RPS6KC1: variants seen among roughly 807,000 people sequenced by gnomAD.
RPS6KC1 encodes ribosomal protein S6 kinase C1.
Under a neutral mutation model 103.8 loss-of-function variants are expected in RPS6KC1, and 54 were observed. That is an observed-to-expected ratio of 0.52 (90% CI 0.42 to 0.65). RPS6KC1 has a LOEUF of 0.65. RPS6KC1 is among the 30% of genes least tolerant of loss of function. The probability of loss-of-function intolerance (pLI) is 0.00; values close to 1 mark genes in which losing one functional copy is unlikely to be tolerated. For synonymous variants in RPS6KC1, 439 were observed against 438.7 expected (o/e 1.00, Z -0.01); for missense variants, 1,151 against 1,253.8 (o/e 0.92, Z 1.24).
At chr1:213,765,600 G>T in the RPS6KC1 span, among the ~76,000 whole-genome samples, 2 of 152,142 alleles carry the variant, frequency 1.3e-5, no homozygotes, top group Non-Finnish European at 2.9e-5. Flanking sequence ...CATAATATTT[G>T]TTGAACCGCA....
At chr1:213,504,090 G>T in the RPS6KC1 span, among the ~76,000 whole-genome samples, 1 of 151,992 alleles carries the variant, frequency 6.6e-6, no homozygotes, top group East Asian at 1.9e-4. Context: ...ATATAGAACG[G>T]TTTTCACATA....
At chr1:213,684,125 T>C in the RPS6KC1 span, among the ~76,000 whole-genome samples, 1 of 152,200 alleles carries the variant, frequency 6.6e-6, no homozygotes, top group South Asian at 2.1e-4. Flanking sequence ...TACTTATTCC[T>C]GTTTCATGTC....
chr1:213,805,606 C>T, the RPS6KC1 span, among the ~76,000 whole-genome samples: 34 of 152,370 alleles, frequency 2.2e-4, no homozygotes, highest in African/African-American at 7.7e-4. Flanking sequence ...ACTACATCTG[C>T]AGTTACTTCC....
At chr1:213,354,301 G>A in the RPS6KC1 span, among the ~76,000 whole-genome samples, 5 of 152,340 alleles carry the variant, frequency 3.3e-5, no homozygotes, top group Non-Finnish European at 7.3e-5. Flanking sequence ...AGTTGTCTGA[G>A]TGCTCATAGG....
the RPS6KC1 span, among the ~76,000 whole-genome samples, chr1:213,792,750 T>C: frequency 6.6e-6 from 1 of 152,162 alleles, no homozygotes; most frequent in Admixed American, 6.5e-5. Context: ...TACTTTCAAC[T>C]TATAGATAGC....
chr1:213,582,501 CT>C, the RPS6KC1 span, among the ~76,000 whole-genome samples: 4 of 152,130 alleles, frequency 2.6e-5, no homozygotes, highest in Non-Finnish European at 4.4e-5. Context: ...TGAATATGTC[CT>C]TAAAAGACCA....
the RPS6KC1 span, among the ~76,000 whole-genome samples, chr1:213,729,402 T>C: frequency 6.6e-6 from 1 of 152,220 alleles, no homozygotes; most frequent in African/African-American, 2.4e-5. Context: ...ATGGCTGTGA[T>C]GCTCCTTTGT....
At chr1:213,327,236 A>AAAAAGAAAGAAAAAAAGAAAGAAAGAAAG in the RPS6KC1 span, among the ~76,000 whole-genome samples, 1 of 144,586 alleles carries the variant, frequency 6.9e-6, no homozygotes, top group Non-Finnish European at 1.5e-5. Flanking sequence ...GAAAGAAAAG[A>AAAAAGAAAGAAAAAAAGAAAGAAAGAAAG]AAAGAAAGAA....
chr1:213,068,919 C>T (rs1311588999), intron 1 of RPS6KC1, among the ~76,000 whole-genome samples: 8 of 124,254 alleles, frequency 6.4e-5, no homozygotes, highest in Admixed American at 1.9e-4. Context: ...GTGTGTATGC[C>T]GACTGTGGTG....
chr1:213,261,458 C>G, intron 12 of RPS6KC1, 100 bp from the exon 13 acceptor site: 1 of 1,021,856 alleles, frequency 9.8e-7, no homozygotes, highest in Non-Finnish European at 1.5e-6. Context: ...TTAGTATATG[C>G]TCTCTCAGCA....
At chr1:213,642,900 C>T in the RPS6KC1 span, among the ~76,000 whole-genome samples, 1 of 151,440 alleles carries the variant, frequency 6.6e-6, no homozygotes, top group Non-Finnish European at 1.5e-5. Context: ...GTATTTTTTC[C>T]CCAAAATATT....
At chr1:213,624,708 G>T in the RPS6KC1 span, among the ~76,000 whole-genome samples, 1 of 152,140 alleles carries the variant, frequency 6.6e-6, no homozygotes, top group African/African-American at 2.4e-5. Flanking sequence ...GTCTGAGGAG[G>T]CTTCTGGACC....
chr1:213,416,704 G>T, the RPS6KC1 span, among the ~76,000 whole-genome samples: 1 of 152,326 alleles, frequency 6.6e-6, no homozygotes, highest in Non-Finnish European at 1.5e-5. Context: ...AGTCAGGCTG[G>T]GGTCTGCTAT....
At chr1:213,696,154 G>A in the RPS6KC1 span, among the ~76,000 whole-genome samples, 9 of 152,270 alleles carry the variant, frequency 5.9e-5, no homozygotes, top group East Asian at 1.7e-3. Flanking sequence ...TTTAGTATGA[G>A]GAGTGGATTT....
the RPS6KC1 span, among the ~76,000 whole-genome samples, chr1:213,763,531 T>C: frequency 6.6e-6 from 1 of 152,172 alleles, no homozygotes; most frequent in South Asian, 2.1e-4. Flanking sequence ...ACCTGGTCCT[T>C]GACTCTACCT....
At chr1:213,821,131 C>T in the RPS6KC1 span, 1 of 152,348 alleles carries the variant, frequency 6.6e-6, no homozygotes, top group Non-Finnish European at 1.5e-5. Flanking sequence ...AACCCCATCT[C>T]CTGCCTTCAT....
the RPS6KC1 span, among the ~76,000 whole-genome samples, chr1:213,329,189 C>G: frequency 2.0e-5 from 3 of 152,156 alleles, no homozygotes; most frequent in Admixed American, 1.3e-4. Flanking sequence ...TTTTCTCAGT[C>G]TTACCTTTGG....
chr1:213,214,338 C>T (rs755053915), intron 8 of RPS6KC1, among the ~76,000 whole-genome samples: 4 of 152,202 alleles, frequency 2.6e-5, no homozygotes, highest in African/African-American at 7.2e-5. Context: ...AAGGGGTGCC[C>T]GCCCTTGCTG....
chr1:213,082,673 C>T (rs909692230), intron 3 of RPS6KC1, among the ~76,000 whole-genome samples: 1 of 152,066 alleles, frequency 6.6e-6, no homozygotes, highest in Non-Finnish European at 1.5e-5. Flanking sequence ...AGAGTGTTTA[C>T]AGTATGGTGC....
Sources: allele counts gnomAD v4.1 joint callset (sites outside exome capture counted in the v4.1 genomes callset), GRCh38; gene constraint gnomAD v4.1.1; transcripts MANE v1.5; gene names NCBI Gene and HGNC (gene_info 2026-07-23, HGNC 2026-07-21).